Variants in ITPR2 observed in about 807,000 individuals in gnomAD.
ITPR2 encodes inositol 1,4,5-trisphosphate receptor type 2.
ITPR2 carries 207 observed loss-of-function variants against 317.1 expected under a neutral mutation model. That is an observed-to-expected ratio of 0.65 (90% CI 0.58 to 0.73). ITPR2 has a LOEUF of 0.73. ITPR2 is among the 30% of genes least tolerant of loss of function. The probability of loss-of-function intolerance (pLI) is 0.00; values close to 1 mark genes in which losing one functional copy is unlikely to be tolerated. For missense variants in ITPR2, 2,613 were observed against 3,284.0 expected, an observed-to-expected ratio of 0.80 and a Z score of 4.99; for synonymous variants, 1,156 against 1,149.1, an observed-to-expected ratio of 1.01 and a Z score of -0.12.
chr12:26,494,246 G>A lies in ITPR2; in HGVS notation c.5277C>T (p.Ile1759=), dbSNP rs778724918. 13 of 1,613,024 alleles carry A rather than the reference G, an allele frequency of 8.1e-6. No homozygotes were observed. The highest frequency in any genetic ancestry group is 6.7e-5 in the African/African-American group (5 of 74,802). The change falls in exon 39 of 57, where the codon ATC becomes ATT. Residue 1759 remains isoleucine (I), a synonymous_variant. Transcript: ENST00000381340. Reference sequence around the variant, plus strand: ...CATTTTTGGTGTTCACTATAACATCGATGACAAGTTCTGATGCACCTTCTT... The same window carrying A: ...CATTTTTGGTGTTCACTATAACATCAATGACAAGTTCTGATGCACCTTCTT... ...LDKEGASELV[I]DVIVNTKNDR...
intron 32 of ITPR2, among the ~76,000 whole-genome samples, chr12:26,593,996 C>T (rs1048594451): frequency 1.8e-4 from 28 of 152,188 alleles, no homozygotes; most frequent in Non-Finnish European, 2.4e-4. Context: ...TTAATATCCT[C>T]CTGCACGTGC....
Position 26,475,210 on chromosome 12 carries a change from C to T in ITPR2, c.6342+86G>A. 1.1e-5 allele frequency: 16 copies of T among 1,478,094 alleles called. 2 individuals are homozygous for T. The South Asian group carries it at 1.9e-4, about 18-fold the overall frequency. The allele number at this position is 1,478,094 out of a possible 1,614,324, so 91.6% of individuals were successfully genotyped here. ...GGTAAGTGCTGAATAAATGAAGGGACCAGAACTTGAAAATATGACAAGCCA... is the reference window on the plus strand; with the variant it reads ...GGTAAGTGCTGAATAAATGAAGGGATCAGAACTTGAAAATATGACAAGCCA... On this transcript the variant is annotated intron_variant, in intron 45 of 56. Coordinates refer to ENST00000381340, the MANE Select transcript of ITPR2 (RefSeq NM_002223.4).
intron 55 of ITPR2, among the ~76,000 whole-genome samples, chr12:26,353,540 G>A (rs1372850061): frequency 6.6e-6 from 1 of 152,196 alleles, no homozygotes; most frequent in Admixed American, 6.5e-5. Context: ...CATCTTTTAA[G>A]AGCAACCTGA....
intron 2 of ITPR2, among the ~76,000 whole-genome samples, chr12:26,732,177 T>G (rs1470498756): frequency 6.6e-6 from 1 of 152,158 alleles, no homozygotes; most frequent in Non-Finnish European, 1.5e-5. Flanking sequence ...AAGATCGCAA[T>G]GTAACTTCCT....
At chr12:26,378,718 T>G (rs1315023442) in intron 55 of ITPR2, among the ~76,000 whole-genome samples, 1 of 152,234 alleles carries the variant, frequency 6.6e-6, no homozygotes, top group Non-Finnish European at 1.5e-5. Flanking sequence ...TTCTCCTCAG[T>G]AAATACTCGT....
chr12:26,805,432 G>C (rs546409482), intron 1 of ITPR2, among the ~76,000 whole-genome samples: 1 of 152,076 alleles, frequency 6.6e-6, no homozygotes, highest in African/African-American at 2.4e-5. Flanking sequence ...ATTGGCTATC[G>C]CCATTTTCAT....
intron 37 of ITPR2, among the ~76,000 whole-genome samples, chr12:26,507,620 A>C (rs977534030): frequency 1.2e-4 from 18 of 152,200 alleles, no homozygotes; most frequent in African/African-American, 4.3e-4. Context: ...GGATTTTCAC[A>C]GGTTTGTGAT....
chr12:26,716,612 A>G (rs1948743974), intron 5 of ITPR2, among the ~76,000 whole-genome samples: 1 of 152,178 alleles, frequency 6.6e-6, no homozygotes. Flanking sequence ...ACAAAAAAGT[A>G]ATCTATCCAA....
At chr12:26,631,734 A>T in intron 22 of ITPR2, 132 bp downstream of exon 22, 1 of 738,250 alleles carries the variant, frequency 1.4e-6, no homozygotes, top group Non-Finnish European at 2.2e-6. Context: ...GTTTGTCATT[A>T]ACTTAAAAAA....
intron 28 of ITPR2, among the ~76,000 whole-genome samples, chr12:26,602,139 T>C (rs561062771): frequency 1.8e-4 from 27 of 151,924 alleles, no homozygotes; most frequent in Non-Finnish European, 7.4e-5. Flanking sequence ...AGGGACTAGG[T>C]GGCAGTAAAG....
At chr12:26,663,636 G>T in intron 15 of ITPR2, 49 bp downstream of exon 15, 2 of 1,500,556 alleles carry the variant, frequency 1.3e-6, no homozygotes, top group East Asian at 2.3e-5. Context: ...AAAGAACCTT[G>T]CCCATACTTT....
At chr12:26,807,025 C>A (rs1023162157) in intron 1 of ITPR2, among the ~76,000 whole-genome samples, 3 of 151,966 alleles carry the variant, frequency 2.0e-5, no homozygotes, top group East Asian at 1.9e-4. Context: ...CTCATCTCTA[C>A]TAAAAATACA....
intron 26 of ITPR2, among the ~76,000 whole-genome samples, chr12:26,608,061 C>T (rs1277147438): frequency 6.6e-6 from 1 of 152,108 alleles, no homozygotes; most frequent in Non-Finnish European, 1.5e-5. Flanking sequence ...GTGGAGCTTG[C>T]AGTGAGCCGA....
At chr12:26,520,574 C>T (rs77482415) in intron 37 of ITPR2, among the ~76,000 whole-genome samples, 13,407 of 152,122 alleles carry the variant, frequency 0.088, 758 homozygotes, top group African/African-American at 0.16. Context: ...CACATGGGAC[C>T]TCTCATCTAA....
At chr12:26,772,428 TA>T (rs956886819) in intron 2 of ITPR2, among the ~76,000 whole-genome samples, 1 of 131,612 alleles carries the variant, frequency 7.6e-6, no homozygotes, top group African/African-American at 2.8e-5. Flanking sequence ...ATATATTATA[TA>T]TAATACATGT....
intron 45 of ITPR2, among the ~76,000 whole-genome samples, chr12:26,459,338 G>C (rs540508899): frequency 6.6e-6 from 1 of 152,322 alleles, no homozygotes; most frequent in South Asian, 2.1e-4. Context: ...GCTTAAGATA[G>C]AGATGGCTGA....
chr12:26,439,382 G>T (rs961084342), intron 46 of ITPR2, 63 bp from the exon 47 acceptor site: 2 of 1,180,520 alleles, frequency 1.7e-6, no homozygotes, highest in East Asian at 2.6e-5. Flanking sequence ...ACTTGCTTTT[G>T]TTTTTAACAT....
intron 39 of ITPR2, among the ~76,000 whole-genome samples, chr12:26,489,075 T>C (rs1046885606): frequency 6.6e-6 from 1 of 152,184 alleles, no homozygotes; most frequent in African/African-American, 2.4e-5. Flanking sequence ...ATAACACCTT[T>C]TAAGAACGAG....
intron 2 of ITPR2, among the ~76,000 whole-genome samples, chr12:26,777,005 G>C (rs1442132304): frequency 6.6e-6 from 1 of 152,194 alleles, no homozygotes; most frequent in Non-Finnish European, 1.5e-5. Flanking sequence ...TAGATATTAA[G>C]GGTATGGAAT....
Sources: gnomAD v4.1 joint callset for allele counts (sites outside exome capture counted in the v4.1 genomes callset) on GRCh38, gnomAD v4.1.1 for gene constraint, MANE v1.5 for transcripts, NCBI Gene and HGNC (gene_info 2026-07-23, HGNC 2026-07-21) for gene names.